Variants in SYCP1 observed in about 807,000 individuals in gnomAD.
SYCP1 encodes the protein synaptonemal complex protein 1.
SYCP1 carries 64 observed loss-of-function variants against 153.1 expected under a neutral mutation model. The observed-to-expected ratio is 0.42, with a 90% CI of 0.34 to 0.51. The LOEUF (loss-of-function observed/expected upper bound fraction) is 0.51, where lower values mean the gene tolerates loss of function less well. Among genes scored for constraint, SYCP1 ranks in the 20% least tolerant of loss-of-function variants. The pLI is 0.06. For synonymous variants in SYCP1, 384 were observed against 341.8 expected (o/e 1.12, Z -1.36); for missense variants, 997 against 1,049.0 (o/e 0.95, Z 0.68).
At chr1:114,923,389 T>G in intron 20 of SYCP1, 60 bp from the exon 21 acceptor site, 2 of 1,454,692 alleles carry the variant, frequency 1.4e-6, no homozygotes, top group Non-Finnish European at 1.8e-6. Flanking sequence ...TTGAGTTATT[T>G]GAGATCTTCT....
intron 27 of SYCP1, among the ~76,000 whole-genome samples, chr1:114,959,334 T>C (rs1214274295): frequency 1.3e-5 from 2 of 152,192 alleles, no homozygotes; most frequent in African/African-American, 4.8e-5. Context: ...TGGTATATAA[T>C]CCCCATTTTA....
At chr1:114,894,458 A>G (rs1035469357) in intron 15 of SYCP1, among the ~76,000 whole-genome samples, 4 of 152,148 alleles carry the variant, frequency 2.6e-5, no homozygotes, top group African/African-American at 9.7e-5. Context: ...TTTTTGGTTT[A>G]ATTTTTTGTG....
chr1:114,855,525 T>C lies in SYCP1; in HGVS notation c.61T>C (p.Ser21Pro), dbSNP rs757365187. ...VPPRSSSSQV[S>P]AVKPQTLGGD... ...ACCGAGATCAAGCAGCAGTCAGGTG[T>C]CTGCGGTGAAACCTCAGACCCTGGG... Residue 21 changes from serine (S) to proline (P), a missense_variant, in exon 2 of 32, where the codon TCT (serine) becomes CCT (proline). Physicochemically the swap from Ser to Pro is moderately conservative, Grantham distance 74. Coordinates refer to ENST00000369522, the MANE Select transcript of SYCP1 (RefSeq NM_003176.4). The C allele has an allele frequency of 6.2e-7, 1 of 1,612,066 alleles. No individual in the cohort carries two copies. The highest frequency in any genetic ancestry group is 8.5e-7 in the Non-Finnish European group (1 of 1,178,956).
chr1:114,878,150 A>G lies in SYCP1; in HGVS notation c.858A>G (p.Thr286=). The change falls in exon 12 of 32, where the codon ACA becomes ACG. Residue 286 remains threonine, a synonymous_variant. Coordinates refer to ENST00000369522, the MANE Select transcript of SYCP1 (RefSeq NM_003176.4). ...AAGAAAATAAAATGAAAGATTTAACATTTCTGCTAGAGGAATCCAGAGATA... is the reference window on the plus strand; with the variant it reads ...AAGAAAATAAAATGAAAGATTTAACGTTTCTGCTAGAGGAATCCAGAGATA... ...TEKENKMKDL[T]FLLEESRDKV... 1 of 1,589,186 alleles carries G rather than the reference A, an allele frequency of 6.3e-7. No homozygotes were observed. The highest frequency in any genetic ancestry group is 8.6e-7 in the Non-Finnish European group (1 of 1,161,260).
intron 28 of SYCP1, among the ~76,000 whole-genome samples, chr1:114,978,695 G>C (rs1376534830): frequency 6.6e-6 from 1 of 151,624 alleles, no homozygotes; most frequent in Non-Finnish European, 1.5e-5. Flanking sequence ...TTTGAGAACA[G>C]TTCATTATAT....
intron 23 of SYCP1, among the ~76,000 whole-genome samples, chr1:114,943,687 T>C (rs1323725725): frequency 6.6e-6 from 1 of 151,798 alleles, no homozygotes; most frequent in Non-Finnish European, 1.5e-5. Flanking sequence ...TTGGTAATGG[T>C]CTATATTTTA....
chr1:114,969,122 G>C (rs903442737), intron 27 of SYCP1, among the ~76,000 whole-genome samples: 2 of 152,180 alleles, frequency 1.3e-5, no homozygotes, highest in Non-Finnish European at 2.9e-5. Context: ...GTTGGCCCCT[G>C]CTGGGAGGTG....
intron 23 of SYCP1, among the ~76,000 whole-genome samples, chr1:114,937,431 T>C (rs1357358477): frequency 6.6e-6 from 1 of 151,854 alleles, no homozygotes; most frequent in East Asian, 1.9e-4. Context: ...AGACCTAAAA[T>C]CATAAAAACC....
chr1:114,991,220 G>A (rs1673900281), intron 30 of SYCP1, among the ~76,000 whole-genome samples: 1 of 151,850 alleles, frequency 6.6e-6, no homozygotes, highest in Non-Finnish European at 1.5e-5. Flanking sequence ...TGACATATAT[G>A]TTAAGACCTT....
intron 16 of SYCP1, among the ~76,000 whole-genome samples, chr1:114,898,573 C>CA (rs1570725945): frequency 6.6e-6 from 1 of 151,994 alleles, no homozygotes; most frequent in Admixed American, 6.6e-5. Context: ...AAAATGTAGG[C>CA]AAAAACTTAA....
At chr1:114,897,488 C>G (rs1265252524) in intron 16 of SYCP1, among the ~76,000 whole-genome samples, 2 of 152,120 alleles carry the variant, frequency 1.3e-5, no homozygotes, top group Non-Finnish European at 2.9e-5. Context: ...AAACTTTTAC[C>G]CTTTTGCTGG....
At chr1:114,982,963 G>T (rs978060766) in intron 29 of SYCP1, among the ~76,000 whole-genome samples, 1 of 151,960 alleles carries the variant, frequency 6.6e-6, no homozygotes, top group Non-Finnish European at 1.5e-5. Flanking sequence ...TGCCACTAAA[G>T]GTTCTCCTTG....
intron 27 of SYCP1, among the ~76,000 whole-genome samples, chr1:114,948,790 A>T (rs1186883394): frequency 6.6e-6 from 1 of 152,212 alleles, no homozygotes; most frequent in African/African-American, 2.4e-5. Context: ...TTCATCTGCA[A>T]TAATAAGATT....
intron 6 of SYCP1, among the ~76,000 whole-genome samples, chr1:114,858,922 T>A (rs2101281850): frequency 6.6e-6 from 1 of 152,264 alleles, no homozygotes; most frequent in South Asian, 2.1e-4. Context: ...TTAATGCAAA[T>A]GATTAGGGAA....
chr1:114,961,780 T>C (rs1671794424), intron 27 of SYCP1, among the ~76,000 whole-genome samples: 1 of 152,098 alleles, frequency 6.6e-6, no homozygotes, highest in South Asian at 2.1e-4. Flanking sequence ...TCTTGGAGAA[T>C]GTTACATGTG....
At chr1:114,956,374 C>A (rs1671433810) in intron 27 of SYCP1, among the ~76,000 whole-genome samples, 1 of 152,212 alleles carries the variant, frequency 6.6e-6, no homozygotes. Context: ...CAACCTCTAT[C>A]TCACAATAAT....
At chr1:114,936,881 C>A (rs76866776) in intron 23 of SYCP1, among the ~76,000 whole-genome samples, 2 of 152,044 alleles carry the variant, frequency 1.3e-5, no homozygotes, top group Non-Finnish European at 1.5e-5. Context: ...AACCACTGCT[C>A]AACAAAATAA....
intron 15 of SYCP1, among the ~76,000 whole-genome samples, chr1:114,891,981 T>C (rs1666734986): frequency 6.6e-6 from 1 of 152,198 alleles, no homozygotes; most frequent in Non-Finnish European, 1.5e-5. Context: ...GTGGCTGCAA[T>C]GGACTGTGTG....
Position 114,981,405 on chromosome 1 carries a change from C to A in SYCP1, c.2452C>A (p.Gln818Lys). The A allele has an allele frequency of 6.2e-7, 1 of 1,609,330 alleles. No individual in the cohort carries two copies. The highest frequency in any genetic ancestry group is 8.5e-7 in the Non-Finnish European group (1 of 1,178,170). Residue 818 changes from glutamine (Q) to lysine (K), a missense_variant, in exon 29 of 32, where the codon CAA becomes AAA. Physicochemically the swap from Gln to Lys is moderately conservative, Grantham distance 53. Coordinates refer to ENST00000369522, the MANE Select transcript of SYCP1 (RefSeq NM_003176.4). ...WKLDSKAVPSQTVSRNFTSVD... is the reference protein window; with the variant it reads ...WKLDSKAVPSKTVSRNFTSVD... ...ATTGGATTCTAAAGCAGTTCCTTCA[C>A]AAACTGTATCTCGAAATTTCACATC...
Sources: gnomAD v4.1 joint callset for allele counts (sites outside exome capture counted in the v4.1 genomes callset) on GRCh38, gnomAD v4.1.1 for gene constraint, MANE v1.5 for transcripts, NCBI Gene and HGNC (gene_info 2026-07-23, HGNC 2026-07-21) for gene names.